Variants in KIF6 observed in about 807,000 individuals in gnomAD.
The protein encoded by KIF6 is kinesin family member 6.
Under a neutral mutation model 112.7 loss-of-function variants are expected in KIF6, and 106 were observed. The observed-to-expected ratio is 0.94, with a 90% confidence interval of 0.80 to 1.11. The LOEUF (loss-of-function observed/expected upper bound fraction) is 1.11. Ranked by LOEUF, KIF6 falls within the 50% of genes least tolerant of loss-of-function variation. KIF6 has a pLI of 0.00. For missense variants in KIF6, 929 were observed against 964.0 expected (o/e 0.96, Z 0.48); for synonymous variants, 339 against 339.9 (o/e 1.00, Z 0.03).
intron 5 of KIF6, among the ~76,000 whole-genome samples, chr6:39,625,673 T>C (rs567479550): frequency 2.0e-5 from 3 of 152,138 alleles, no homozygotes; most frequent in South Asian, 2.1e-4. Flanking sequence ...AAATGAAACA[T>C]GTAATGCAAA....
At chr6:39,415,883 GA>G (rs1319046203) in intron 15 of KIF6, among the ~76,000 whole-genome samples, 26 of 151,806 alleles carry the variant, frequency 1.7e-4, no homozygotes, top group East Asian at 9.7e-4. Flanking sequence ...GGAGTAGGGG[GA>G]AAAAAACTTC....
At chr6:39,713,258 A>G (rs1261100975) in intron 3 of KIF6, among the ~76,000 whole-genome samples, 4 of 152,238 alleles carry the variant, frequency 2.6e-5, no homozygotes, top group Non-Finnish European at 5.9e-5. Context: ...AGGAGGATGG[A>G]GTGATCAACT....
chr6:39,638,255 C>T lies in KIF6; in HGVS notation c.399+1355G>A, dbSNP rs529443455. 2.6e-5 allele frequency among the ~76,000 whole-genome samples: 4 copies of T among 152,162 alleles called. No homozygotes were observed. The South Asian group carries it at 8.3e-4, about 32-fold the overall frequency. On this transcript the variant is annotated intron_variant, in intron 4 of 22. Coordinates refer to ENST00000287152, the MANE Select transcript of KIF6 (RefSeq NM_145027.6). Reference sequence around the variant, plus strand: ...TAAATACAGTATGTTCAGCCCCTCACAGCAATCCATAAGACTGAGGCATTA... The same window carrying T: ...TAAATACAGTATGTTCAGCCCCTCATAGCAATCCATAAGACTGAGGCATTA...
intron 20 of KIF6, among the ~76,000 whole-genome samples, chr6:39,346,132 C>CCTCTCTCTCTCCCTCT (rs1763769865): frequency 3.7e-4 from 10 of 26,926 alleles, no homozygotes; most frequent in African/African-American, 1.2e-3. Context: ...CCTCCCTCTC[C>CCTCTCTCTCTCCCTCT]CTCTCTCTCT....
chr6:39,524,222 A>G (rs1777576637), intron 13 of KIF6, among the ~76,000 whole-genome samples: 1 of 152,124 alleles, frequency 6.6e-6, no homozygotes, highest in Admixed American at 6.6e-5. Context: ...GTTCCCTGAC[A>G]GGGCTTGTGC....
intron 13 of KIF6, among the ~76,000 whole-genome samples, chr6:39,473,682 G>A (rs1461580824): frequency 6.6e-6 from 1 of 152,046 alleles, no homozygotes; most frequent in South Asian, 2.1e-4. Context: ...TTTTGTTTTT[G>A]CAAGTTTTAT....
chr6:39,385,581 A>G lies in KIF6; in HGVS notation c.1861+41T>C, dbSNP rs781478924. Reference sequence around the variant, plus strand: ...GATTCCTAAAATCAGGTCAGTTTATATTACCTTCATCCTCTTCCTGCAGAT... The same window carrying G: ...GATTCCTAAAATCAGGTCAGTTTATGTTACCTTCATCCTCTTCCTGCAGAT... On this transcript the variant is annotated intron_variant, in intron 16 of 22. Coordinates refer to ENST00000287152, the MANE Select transcript of KIF6 (RefSeq NM_145027.6). 11 of 1,528,596 alleles carry G rather than the reference A, an allele frequency of 7.2e-6. No individual in the cohort carries two copies. In the Admixed American group the frequency reaches 1.2e-4, roughly 16 times the overall value. The allele number at this position is 1,528,596 out of a possible 1,614,324, so 94.7% of individuals were successfully genotyped here.
intron 16 of KIF6, among the ~76,000 whole-genome samples, chr6:39,380,683 T>C (rs1766857669): frequency 6.6e-6 from 1 of 151,518 alleles, no homozygotes; most frequent in Admixed American, 6.6e-5. Flanking sequence ...GCCAATTTCC[T>C]TGGTGTAAAT....
intron 15 of KIF6, among the ~76,000 whole-genome samples, chr6:39,407,148 G>A (rs1769151007): frequency 6.6e-6 from 1 of 152,000 alleles, no homozygotes; most frequent in African/African-American, 2.4e-5. Flanking sequence ...CGTTTAAGCA[G>A]ACAATCAGCC....
intron 7 of KIF6, among the ~76,000 whole-genome samples, chr6:39,594,115 C>T (rs114905203): frequency 0.012 from 1,816 of 151,880 alleles, 23 homozygotes; most frequent in Non-Finnish European, 0.02. Context: ...CAAGACTACT[C>T]ACACGAGGCT....
At chr6:39,522,678 T>A (rs892901717) in intron 13 of KIF6, among the ~76,000 whole-genome samples, 2 of 152,224 alleles carry the variant, frequency 1.3e-5, no homozygotes, top group African/African-American at 4.8e-5. Flanking sequence ...CACTCTGCAA[T>A]GTCCAGTACT....
At chr6:39,532,605 A>G (rs1225793838) in intron 13 of KIF6, among the ~76,000 whole-genome samples, 2 of 152,176 alleles carry the variant, frequency 1.3e-5, no homozygotes, top group African/African-American at 4.8e-5. Context: ...TGCTGAAAAA[A>G]TATTCAAAGC....
At chr6:39,694,253 TGCAACAAG>T (rs1788397696) in intron 3 of KIF6, among the ~76,000 whole-genome samples, 1 of 152,070 alleles carries the variant, frequency 6.6e-6, no homozygotes, top group African/African-American at 2.4e-5. Context: ...CCTTAAGAAC[TGCAACAAG>T]GCAAGGATGT....
chr6:39,578,450 A>G (rs1346692678), intron 9 of KIF6, among the ~76,000 whole-genome samples: 1 of 149,620 alleles, frequency 6.7e-6, no homozygotes, highest in Non-Finnish European at 1.5e-5. Context: ...CTCCTGCCTC[A>G]GCCGAGTAGC....
At chr6:39,357,774 G>A (rs557482227) in intron 18 of KIF6, among the ~76,000 whole-genome samples, 29 of 152,186 alleles carry the variant, frequency 1.9e-4, no homozygotes, top group African/African-American at 6.3e-4. Context: ...AGGGGAACAA[G>A]CCAGCTATAA....
intron 8 of KIF6, 55 bp downstream of exon 8, chr6:39,586,206 A>C: frequency 6.3e-7 from 1 of 1,594,736 alleles, no homozygotes; most frequent in Non-Finnish European, 8.6e-7. Context: ...ACTCCGTCTC[A>C]CGTGCTAGCA....
chr6:39,397,678 G>C (rs1335580095), intron 15 of KIF6, among the ~76,000 whole-genome samples: 1 of 152,138 alleles, frequency 6.6e-6, no homozygotes, highest in African/African-American at 2.4e-5. Flanking sequence ...CTAGAAAAAA[G>C]AGGCAAAGCA....
chr6:39,673,837 T>C (rs535260849), intron 3 of KIF6, among the ~76,000 whole-genome samples: 4 of 152,310 alleles, frequency 2.6e-5, no homozygotes, highest in African/African-American at 9.6e-5. Flanking sequence ...AACTTAGTGC[T>C]TAACTAAATT....
At chr6:39,442,841 C>T (rs9296296) in intron 13 of KIF6, among the ~76,000 whole-genome samples, 3,521 of 151,832 alleles carry the variant, frequency 0.023, 72 homozygotes, top group Non-Finnish European at 0.029. Flanking sequence ...CGGCTGGGCG[C>T]GATGGCTCAT....
Sources: gnomAD v4.1 joint callset for allele counts (sites outside exome capture counted in the v4.1 genomes callset) on GRCh38, gnomAD v4.1.1 for gene constraint, MANE v1.5 for transcripts, NCBI Gene and HGNC (gene_info 2026-07-23, HGNC 2026-07-21) for gene names.